Variants in PRR5L observed in about 807,000 individuals in gnomAD.
The protein encoded by PRR5L is proline rich 5 like.
A neutral mutation model predicts 36.4 loss-of-function variants in PRR5L; 21 were observed. That is an observed-to-expected ratio of 0.58 (90% confidence interval 0.41 to 0.83). PRR5L has a LOEUF of 0.83. PRR5L is among the 40% of genes least tolerant of loss of function. The pLI is 0.00. For missense variants in PRR5L, 381 were observed against 473.3 expected (o/e 0.80, Z 1.81); for synonymous variants, 188 against 197.0 (o/e 0.95, Z 0.38).
intron 6 of PRR5L, among the ~76,000 whole-genome samples, chr11:36,438,356 A>G (rs1279610353): frequency 6.6e-6 from 1 of 152,348 alleles, no homozygotes; most frequent in Middle Eastern, 3.4e-3. Flanking sequence ...AGAGGAACAC[A>G]GCCATTAAGC....
intron 1 of PRR5L, chr11:36,376,150 G>T (rs1385225108): frequency 1.5e-6 from 2 of 1,304,716 alleles, no homozygotes; most frequent in East Asian, 5.6e-5. Context: ...TGAAATTGTT[G>T]AACTGGATGT....
intron 1 of PRR5L, among the ~76,000 whole-genome samples, chr11:36,318,011 T>C (rs1400625466): frequency 6.6e-6 from 1 of 152,242 alleles, no homozygotes; most frequent in Non-Finnish European, 1.5e-5. Flanking sequence ...GCATATATGA[T>C]GGTTGTCCTG....
At chr11:36,369,578 A>C (rs1857177720) in intron 1 of PRR5L, among the ~76,000 whole-genome samples, 1 of 152,062 alleles carries the variant, frequency 6.6e-6, no homozygotes, top group African/African-American at 2.4e-5. Context: ...TGTTTTGGAT[A>C]ACTCTGGGAA....
chr11:36,323,146 T>G lies in PRR5L; in HGVS notation c.-126+26708T>G, dbSNP rs571851029. ...CCCCAGGACACTGATGCCCCTCCCA[T>G]TCTCTTGGATAGAAGTTGTCAGAAG... On this transcript the variant is annotated intron_variant, in intron 1 of 8. Transcript: ENST00000530639. Among the ~76,000 whole-genome samples the G allele has an allele frequency of 1.1e-4, 16 of 152,234 alleles. No homozygotes were observed. The East Asian group carries it at 3.1e-3, about 29-fold the overall frequency.
intron 1 of PRR5L, among the ~76,000 whole-genome samples, chr11:36,380,153 G>A (rs1200637651): frequency 6.6e-6 from 1 of 152,200 alleles, no homozygotes; most frequent in Non-Finnish European, 1.5e-5. Flanking sequence ...ACTCTAAAAT[G>A]AGGAGACAGG....
chr11:36,411,336 C>T (rs375124039), intron 3 of PRR5L, among the ~76,000 whole-genome samples: 5 of 152,164 alleles, frequency 3.3e-5, no homozygotes, highest in East Asian at 3.9e-4. Flanking sequence ...GTTGACAAGA[C>T]GGTGAGGCGT....
chr11:36,455,199 G>A (rs2133631199), intron 8 of PRR5L: 1 of 152,490 alleles, frequency 6.6e-6, no homozygotes, highest in East Asian at 1.9e-4. Flanking sequence ...GTGCCAGCCT[G>A]GAGAGGGACA....
intron 1 of PRR5L, among the ~76,000 whole-genome samples, chr11:36,357,333 A>G (rs1270827257): frequency 6.6e-6 from 1 of 152,242 alleles, no homozygotes; most frequent in Non-Finnish European, 1.5e-5. Flanking sequence ...GGGCTGATGG[A>G]TAAGCTGCAG....
intron 1 of PRR5L, among the ~76,000 whole-genome samples, chr11:36,374,619 T>A (rs1857234956): frequency 6.6e-6 from 1 of 152,152 alleles, no homozygotes; most frequent in South Asian, 2.1e-4. Flanking sequence ...CGGGTAGAAC[T>A]AGTTCCCTTT....
In PRR5L at chr11:36,439,451, C is replaced by CT. The variant is rs1382416044; in HGVS notation, c.444+1975_444+1976insT. On this transcript the variant is annotated intron_variant, in intron 6 of 8. Transcript: ENST00000530639. ...TAAGATCTGGCAACAATTAATATTGCCCCTGTTCACCTCCTCACTCCCCAA... is the reference window on the plus strand; with the variant it reads ...TAAGATCTGGCAACAATTAATATTGCTCCCTGTTCACCTCCTCACTCCCCAA... 3.0e-4 allele frequency among the ~76,000 whole-genome samples: 46 copies of CT among 152,126 alleles called. 1 individual carries two copies. Among genetic ancestry groups the CT allele is most frequent in the Non-Finnish European group, 2.9e-5 (2 of 68,028 alleles).
chr11:36,454,934 A>C (rs1210235478), intron 8 of PRR5L: 1 of 152,224 alleles, frequency 6.6e-6, no homozygotes, highest in Non-Finnish European at 1.5e-5. Flanking sequence ...AGGATAGTGA[A>C]ACTTTTTTTT....
intron 1 of PRR5L, among the ~76,000 whole-genome samples, chr11:36,317,180 TCTC>T (rs1856566010): frequency 6.6e-6 from 1 of 152,208 alleles, no homozygotes; most frequent in South Asian, 2.1e-4. Context: ...TCTTCTCTCT[TCTC>T]CGCCTTTACA....
chr11:36,399,592 T>C (rs1857746450), intron 1 of PRR5L, among the ~76,000 whole-genome samples: 1 of 152,244 alleles, frequency 6.6e-6, no homozygotes. Flanking sequence ...GAATATCTTT[T>C]TCTTGCATCA....
In PRR5L at chr11:36,349,158, G is replaced by A. The variant is rs111520341; in HGVS notation, c.-125-51839G>A. ...AAATTAGCCGGGCATGGTGGCGGGC[G>A]CCTGTAATCCCAGCACTTGGGAGGT... On this transcript the variant is annotated intron_variant, in intron 1 of 8. Coordinates refer to ENST00000530639, the MANE Select transcript of PRR5L (RefSeq NM_001160167.2). 7.9e-5 allele frequency among the ~76,000 whole-genome samples: 12 copies of A among 151,700 alleles called. No individual in the cohort carries two copies. The East Asian group carries it at 9.7e-4, about 12-fold the overall frequency.
intron 1 of PRR5L, among the ~76,000 whole-genome samples, chr11:36,368,632 G>A (rs536583289): frequency 8.8e-4 from 134 of 152,288 alleles, no homozygotes; most frequent in African/African-American, 3.2e-3. Flanking sequence ...ATTTTCCAGA[G>A]TCTACGTAAT....
chr11:36,314,544 G>T (rs1856536043), intron 1 of PRR5L, among the ~76,000 whole-genome samples: 1 of 152,196 alleles, frequency 6.6e-6, no homozygotes. Flanking sequence ...ACTTGGCTAT[G>T]TTTTAAGGGT....
chr11:36,378,881 CATACA>C (rs1210230451), intron 1 of PRR5L, among the ~76,000 whole-genome samples: 6 of 152,168 alleles, frequency 3.9e-5, no homozygotes, highest in Non-Finnish European at 8.8e-5. Context: ...TGTCTAAAGC[CATACA>C]CACAGGGATG....
At chr11:36,360,402 A>G (rs978674573) in intron 1 of PRR5L, among the ~76,000 whole-genome samples, 6 of 152,230 alleles carry the variant, frequency 3.9e-5, no homozygotes, top group African/African-American at 1.2e-4. Flanking sequence ...CCTACTATGT[A>G]TAAGGTACCA....
intron 1 of PRR5L, among the ~76,000 whole-genome samples, chr11:36,351,165 A>C (rs1271054680): frequency 1.9e-5 from 2 of 103,378 alleles, no homozygotes; most frequent in African/African-American, 4.0e-5. Context: ...TATATAATTT[A>C]TATATAATCA....
Sources: gnomAD v4.1 joint callset for allele counts (sites outside exome capture counted in the v4.1 genomes callset) on GRCh38, gnomAD v4.1.1 for gene constraint, MANE v1.5 for transcripts, NCBI Gene and HGNC (gene_info 2026-07-23, HGNC 2026-07-21) for gene names.